The following CANT1 variants were observed in gnomAD, a reference collection of about 807,000 sequenced individuals.
CANT1 encodes the protein calcium activated nucleotidase 1, also known as soluble calcium-activated nucleotidase 1.
In CANT1, 26 loss-of-function variants were observed where a neutral mutation model predicts 30.0. The observed-to-expected ratio is 0.87, with a 90% CI of 0.64 to 1.20. The LOEUF (loss-of-function observed/expected upper bound fraction) is 1.20. Ranked by LOEUF, CANT1 falls within the 50% of genes most tolerant of loss-of-function variation. CANT1 has a pLI of 0.00. For missense variants in CANT1, 518 were observed against 563.0 expected, an observed-to-expected ratio of 0.92 and a Z score of 0.81; for synonymous variants, 246 against 251.8, an observed-to-expected ratio of 0.98 and a Z score of 0.22.
At position 78,996,880 on chromosome 17, in the gene CANT1, C is replaced by G; in HGVS notation, c.631+112G>C. ...AAGAGGGAGACGTGCTCCCTCACCA[C>G]ATCCCTGGCTTCTAGGTGTGTGAAT... On this transcript the variant is annotated intron_variant, in intron 3 of 4. Coordinates refer to ENST00000392446, the MANE Select transcript of CANT1 (RefSeq NM_001159773.2). The surrounding 1 kb of genome is among the most constrained non-coding windows in gnomAD (Gnocchi z 5.1). The G allele has an allele frequency of 4.8e-6, 7 of 1,465,486 alleles. No individual in the cohort carries two copies. Among genetic ancestry groups the G allele is most frequent in the Non-Finnish European group, 6.6e-6 (7 of 1,057,954 alleles). The allele number at this position is 1,465,486 out of a possible 1,614,324, so 90.8% of individuals were successfully genotyped here. A position where few individuals can be genotyped will look rare whatever the true frequency, so the allele number is the denominator to read the frequency against.
intron 1 of CANT1, among the ~76,000 whole-genome samples, chr17:79,003,670 C>T (rs2071345712): frequency 6.6e-6 from 1 of 152,022 alleles, no homozygotes; most frequent in Admixed American, 6.5e-5. Flanking sequence ...TTTAGATAAT[C>T]AGCAACAAGA....
intron 1 of CANT1, among the ~76,000 whole-genome samples, chr17:79,004,011 AAGAGGGGAGTTAGGG>A (rs1568043350): frequency 3.4e-5 from 1 of 29,370 alleles, no homozygotes; most frequent in Admixed American, 2.8e-4. Flanking sequence ...GGGAGTTAGG[AAGAGGGGAGTTAGGG>A]AGAGGGGAGT....
chr17:78,993,562 G>T lies in CANT1; in HGVS notation c.1194C>A (p.Ile398=), dbSNP rs1032380679. 1.9e-6 allele frequency: 3 copies of T among 1,614,220 alleles called. No individual in the cohort carries two copies. The highest frequency in any genetic ancestry group is 2.5e-6 in the Non-Finnish European group (3 of 1,180,040). The change falls in exon 5 of 5, where the codon ATC becomes ATA. Residue 398 remains isoleucine (I), a synonymous_variant. Coordinates refer to ENST00000392446, the MANE Select transcript of CANT1 (RefSeq NM_001159773.2). This position sits in a 1 kb window ranked among gnomAD's most constrained non-coding sequence, Gnocchi z 4.5. ...TTTCCGTTTTGAGTTAAATGAACTCGATGCCTTCGTATTTCACGCTTCCGA... is the reference window on the plus strand; with the variant it reads ...TTTCCGTTTTGAGTTAAATGAACTCTATGCCTTCGTATTTCACGCTTCCGA... ...TKIGSVKYEG[I]EFI
rs375322541 is a variant in CANT1 at position 78,997,085 on chromosome 17, C to T, written c.538G>A (p.Val180Met). 13 of 1,614,110 alleles carry T rather than the reference C, an allele frequency of 8.1e-6. No homozygotes were observed. Among genetic ancestry groups the T allele is most frequent in the African/African-American group, 8.0e-5 (6 of 74,948 alleles). The change falls in exon 3 of 5, where the codon GTG (valine) becomes ATG (methionine). Residue 180 changes from valine to methionine, a missense_variant. Physicochemically the swap from Val to Met is conservative, Grantham distance 21. Around this residue, in one of 3 missense-constraint regions of CANT1, gnomAD observed 249 missense variants for 268.8 expected, o/e 0.93. Coordinates refer to ENST00000392446, the MANE Select transcript of CANT1 (RefSeq NM_001159773.2). The surrounding 1 kb of genome is among the most constrained non-coding windows in gnomAD (Gnocchi z 7.5). The part of the protein sequence containing the change: ...LIVFNGKLYS[V>M]DDRTGVVYQI... ...TAGACGACCCCCGTCCGGTCATCCA[C>T]GGAGTAGAGTTTCCCATTGAAAACA...
chr17:78,997,336 G>A lies in CANT1; in HGVS notation c.287C>T (p.Pro96Leu), dbSNP rs375718883. Residue 96 changes from proline to leucine, a missense_variant, in exon 3 of 5, where the codon CCA (proline) becomes CTA (leucine). Transcript: ENST00000392446. This position sits in a 1 kb window ranked among gnomAD's most constrained non-coding sequence, Gnocchi z 7.5. ...WYNDTYPLSP[P>L]QRTPAGIRYR... Reference sequence around the variant, plus strand: ...CCGAATCCCAGCCGGTGTCCTTTGTGGGGGAGACAGGGGGTAGGTGTCATT... The same window carrying A: ...CCGAATCCCAGCCGGTGTCCTTTGTAGGGGAGACAGGGGGTAGGTGTCATT... 1.9e-6 allele frequency: 3 copies of A among 1,614,052 alleles called. No homozygotes were observed. Among genetic ancestry groups the A allele is most frequent in the South Asian group, 1.1e-5 (1 of 91,094 alleles).
chr17:78,993,736 G>T lies in CANT1; in HGVS notation c.1020C>A (p.Pro340=). The T allele has an allele frequency of 6.2e-7, 1 of 1,613,952 alleles. No individual in the cohort carries two copies. The change falls in exon 5 of 5, where the codon CCC becomes CCA. Residue 340 remains proline, a synonymous_variant. Transcript: ENST00000392446. The surrounding 1 kb of genome is among the most constrained non-coding windows in gnomAD (Gnocchi z 4.5). ...IAVSHVGAVV[P]THGFSSFKFI... is the part of the protein sequence containing the mutation. ...ACTTGAAGGACGAGAAGCCGTGAGT[G>T]GGGACCACCGCCCCGACGTGGCTCA...
Position 78,993,961 on chromosome 17 carries a change from T to G in CANT1, c.836-41A>C. 6.5e-7 allele frequency: 1 copy of G among 1,536,926 alleles called. No homozygotes were observed. The highest frequency in any genetic ancestry group is 8.7e-7 in the Non-Finnish European group (1 of 1,148,682). On this transcript the variant is annotated intron_variant, in intron 4 of 4. Transcript: ENST00000392446. This position sits in a 1 kb window ranked among gnomAD's most constrained non-coding sequence, Gnocchi z 4.5. ...CCGCGGGTCAGACACGCATGCGGCC[T>G]GGTGTGCCCAGCCCCACACCATCAG...
chr17:78,997,586 C>T lies in CANT1; in HGVS notation c.37G>A (p.Glu13Lys). The change falls in exon 3 of 5, where the codon GAG becomes AAG. Residue 13 changes from glutamate to lysine, a missense_variant. This residue lies in a region of CANT1 where 249 missense variants were observed against 268.8 expected (regional missense o/e 0.93). Coordinates refer to ENST00000392446, the MANE Select transcript of CANT1 (RefSeq NM_001159773.2). This position sits in a 1 kb window ranked among gnomAD's most constrained non-coding sequence, Gnocchi z 7.5. The part of the protein sequence containing the change: ...VQLSEHPEWN[E>K]SMHSLRISVG... The stretch of plus-strand genomic sequence containing the variant: ...CTGATCCGGAGGGAGTGCATAGACT[C>T]ATTCCATTCCGGGTGCTCAGACAGC... 6.4e-7 allele frequency: 1 copy of T among 1,564,802 alleles called. No homozygotes were observed. The highest frequency in any genetic ancestry group is 8.7e-7 in the Non-Finnish European group (1 of 1,154,820).
Position 78,993,267 on chromosome 17 carries a change from T to A in CANT1, c.*283A>T. On this transcript the variant is annotated 3_prime_UTR_variant, in exon 5 of 5. Transcript: ENST00000392446. This position sits in a 1 kb window ranked among gnomAD's most constrained non-coding sequence, Gnocchi z 4.5. The stretch of plus-strand genomic sequence containing the variant: ...AACATAGGAAAGAAAAGAAACGAGG[T>A]CGGATGGAAGAAACGACCCAGCCAG... 2.0e-6 allele frequency: 1 copy of A among 495,804 alleles called. No individual in the cohort carries two copies. Among genetic ancestry groups the A allele is most frequent in the Non-Finnish European group, 3.7e-6 (1 of 272,466 alleles). 30.7% of individuals were successfully genotyped at this position (495,804 alleles called of 1,614,324 possible). A position where few individuals can be genotyped will look rare whatever the true frequency, so the allele number is the denominator to read the frequency against.
In CANT1 at chr17:78,995,274, G is replaced by A. The variant is rs2070994704; in HGVS notation, c.632-53C>T. The stretch of plus-strand genomic sequence containing the variant: ...CGCACCCAGCTCCCGCCGCACCCCT[G>A]CACCTGGCTCCCACCCGGCCCCGCA... On this transcript the variant is annotated intron_variant, in intron 3 of 4. Coordinates refer to ENST00000392446, the MANE Select transcript of CANT1 (RefSeq NM_001159773.2). This position sits in a 1 kb window ranked among gnomAD's most constrained non-coding sequence, Gnocchi z 5.7. 2 of 1,572,962 alleles carry A rather than the reference G, an allele frequency of 1.3e-6. No individual in the cohort carries two copies. Among genetic ancestry groups the A allele is most frequent in the South Asian group, 1.1e-5 (1 of 88,778 alleles).
chr17:79,006,684 G>C (rs375125362), intron 1 of CANT1, among the ~76,000 whole-genome samples: 1 of 152,170 alleles, frequency 6.6e-6, no homozygotes, highest in Non-Finnish European at 1.5e-5. Context: ...GCCAAAAGGC[G>C]ACCTTCTCAG....
rs548806757 is a variant in CANT1 at position 79,002,959 on chromosome 17, G to A, written c.-146-4996C>T. 5.6e-4 allele frequency among the ~76,000 whole-genome samples: 86 copies of A among 152,350 alleles called. 2 individuals are homozygous for A. The highest frequency in any genetic ancestry group is 1.2e-4 in the Non-Finnish European group (8 of 68,032). On this transcript the variant is annotated intron_variant, in intron 1 of 4. Coordinates refer to ENST00000392446, the MANE Select transcript of CANT1 (RefSeq NM_001159773.2). The surrounding 1 kb of genome is among the most constrained non-coding windows in gnomAD (Gnocchi z 4.0). ...CACGCTCCCCACCCGGGAGGCTCAT[G>A]TCCTCTGACCACATGGAACCAGAGG... is the stretch of plus-strand genomic sequence containing the variant.
rs909120606 is a variant in CANT1 at position 78,993,458 on chromosome 17, T to C, written c.*92A>G. The C allele has an allele frequency of 3.8e-6, 6 of 1,584,920 alleles. No homozygotes were observed. The African/African-American group carries it at 5.4e-5, about 14-fold the overall frequency. Reference sequence around the variant, plus strand: ...GTCCAGACCTCCAACCCAGGCACAGTTCCAAAAAGAACAAAACAAAACAAA... The same window carrying C: ...GTCCAGACCTCCAACCCAGGCACAGCTCCAAAAAGAACAAAACAAAACAAA... On this transcript the variant is annotated 3_prime_UTR_variant, in exon 5 of 5. Transcript: ENST00000392446. The surrounding 1 kb of genome is among the most constrained non-coding windows in gnomAD (Gnocchi z 4.5).
intron 1 of CANT1, among the ~76,000 whole-genome samples, chr17:79,003,178 T>G (rs894350727): frequency 6.6e-6 from 1 of 152,322 alleles, no homozygotes; most frequent in African/African-American, 2.4e-5. Flanking sequence ...CACCTTTGGT[T>G]AAACAAGGGA....
rs779296231 is a variant in CANT1 at position 78,995,008 on chromosome 17, C to A, written c.835+10G>T. 3.9e-6 allele frequency: 6 copies of A among 1,557,050 alleles called. No homozygotes were observed. Among genetic ancestry groups the A allele is most frequent in the Non-Finnish European group, 4.3e-6 (5 of 1,152,066 alleles). ...AAGCCACACTGTGGGCTGGGGCAGGCGTCTCTTACCTGGCGGCTGGATGCC... is the reference window on the plus strand; with the variant it reads ...AAGCCACACTGTGGGCTGGGGCAGGAGTCTCTTACCTGGCGGCTGGATGCC... On this transcript the variant is annotated intron_variant, in intron 4 of 4. Transcript: ENST00000392446. This position sits in a 1 kb window ranked among gnomAD's most constrained non-coding sequence, Gnocchi z 5.7.
intron 1 of CANT1, chr17:79,000,346 T>C (rs1217889321): frequency 6.6e-6 from 1 of 152,544 alleles, no homozygotes; most frequent in African/African-American, 2.4e-5. Flanking sequence ...ATCCTCCGTC[T>C]TCCTTCCTCA....
At position 78,997,423 on chromosome 17, in the gene CANT1, C is replaced by G; in HGVS notation, c.200G>C (p.Gly67Ala). The change falls in exon 3 of 5, where the codon GGC becomes GCC. Residue 67 changes from glycine to alanine, a missense_variant. Physicochemically the swap from Gly to Ala is moderately conservative, Grantham distance 60. Around this residue, in one of 3 missense-constraint regions of CANT1, gnomAD observed 249 missense variants for 268.8 expected, o/e 0.93. Coordinates refer to ENST00000392446, the MANE Select transcript of CANT1 (RefSeq NM_001159773.2). The surrounding 1 kb of genome is among the most constrained non-coding windows in gnomAD (Gnocchi z 7.5). Reference protein sequence around the residue: ...WLLCSHRPAPGRPPTHNAHNW... With the variant: ...WLLCSHRPAPARPPTHNAHNW... ...GTGTGCATTGTGGGTGGGGGGCCTG[C>G]CGGGGGCCGGGCGGTGGGAGCAGAG... The G allele has an allele frequency of 1.9e-6, 3 of 1,607,886 alleles. No individual in the cohort carries two copies. The highest frequency in any genetic ancestry group is 2.6e-6 in the Non-Finnish European group (3 of 1,176,110).
At position 79,002,522 on chromosome 17, in the gene CANT1, C is replaced by T. The variant is rs1452554369; in HGVS notation, c.-146-4559G>A. On this transcript the variant is annotated intron_variant, in intron 1 of 4. Coordinates refer to ENST00000392446, the MANE Select transcript of CANT1 (RefSeq NM_001159773.2). This position sits in a 1 kb window ranked among gnomAD's most constrained non-coding sequence, Gnocchi z 4.0. Reference sequence around the variant, plus strand: ...GTAGACTCTGCCTGGTGTGTAGACGCGGCCTGCGTAGACGCGGCCTGCTGT... The same window carrying T: ...GTAGACTCTGCCTGGTGTGTAGACGTGGCCTGCGTAGACGCGGCCTGCTGT... 4.0e-5 allele frequency among the ~76,000 whole-genome samples: 6 copies of T among 151,652 alleles called. No homozygotes were observed. Among genetic ancestry groups the T allele is most frequent in the African/African-American group, 9.7e-5 (4 of 41,242 alleles).
chr17:78,994,970 G>A (rs879106187), intron 4 of CANT1, 48 bp downstream of exon 4: 10 of 1,529,188 alleles, frequency 6.5e-6, no homozygotes, highest in South Asian at 3.6e-5. Flanking sequence ...GGTTCCCAGC[G>A]ACTGGGCTGT....
Sources: allele counts gnomAD v4.1 joint callset (sites outside exome capture counted in the v4.1 genomes callset), GRCh38; gene constraint gnomAD v4.1.1; regional missense constraint gnomAD v4.1.1; non-coding constraint Gnocchi (gnomAD v3.1); transcripts MANE v1.5; gene names NCBI Gene and HGNC (gene_info 2026-07-23, HGNC 2026-07-21).